Variants in ZNF655 observed in about 807,000 individuals in gnomAD.
ZNF655 encodes Vav-interacting Kruppel-like protein 1.
A neutral mutation model predicts 6.6 loss-of-function variants in ZNF655; 3 were observed. The ratio of observed to expected loss-of-function variants is 0.46; its 90% CI spans 0.21 to 1.18. ZNF655 has a LOEUF of 1.18. Among genes scored for constraint, ZNF655 ranks in the 50% most tolerant of loss-of-function variants. The pLI, the probability that ZNF655 is intolerant of heterozygous loss-of-function variation, is 0.24. For synonymous variants in ZNF655, 178 were observed against 195.0 expected, an observed-to-expected ratio of 0.91 and a Z score of 0.73; for missense variants, 526 against 572.3, an observed-to-expected ratio of 0.92 and a Z score of 0.83.
intron 2 of ZNF655, 196 bp downstream of exon 2, chr7:99,560,891 C>T (rs946408775): frequency 9.8e-6 from 5 of 507,630 alleles, no homozygotes; most frequent in Non-Finnish European, 1.6e-5. Flanking sequence ...GCTCATCTTT[C>T]TCAAATAAGC....
Position 99,573,620 on chromosome 7 carries a change from G to C in ZNF655, c.*36G>C. 4 of 1,571,586 alleles carry C rather than the reference G, an allele frequency of 2.5e-6. No individual in the cohort carries two copies. The highest frequency in any genetic ancestry group is 1.2e-5 in the South Asian group (1 of 85,626). ...GATGGGAAGATATTTATCAAATTCA[G>C]GCTTCATTCAGCATCTGAGAGTTCA... On this transcript the variant is annotated 3_prime_UTR_variant, in exon 3 of 3. Coordinates refer to ENST00000252713, the MANE Select transcript of ZNF655 (RefSeq NM_138494.3).
intron 2 of ZNF655, among the ~76,000 whole-genome samples, chr7:99,565,901 C>T (rs1407842240): frequency 6.6e-6 from 1 of 152,050 alleles, no homozygotes; most frequent in East Asian, 1.9e-4. Flanking sequence ...GAATGTTTTC[C>T]ATTGTCACAG....
Position 99,572,973 on chromosome 7 carries a change from GGCATAATTCA to G in ZNF655, c.872_881del (p.Ile291ArgfsTer98). The G allele has an allele frequency of 6.2e-7, 1 of 1,614,120 alleles. No individual in the cohort carries two copies. The highest frequency in any genetic ancestry group is 1.1e-5 in the South Asian group (1 of 91,082). Reference sequence around the variant, plus strand: ...TGATAAATCCTGTAGTCCAAGCTCAGGCATAATTCAGCATAAGAAAATTCACACCAGAGCC... The same window carrying G: ...TGATAAATCCTGTAGTCCAAGCTCAGGCATAAGAAAATTCACACCAGAGCC... On this transcript the variant is annotated frameshift_variant, in exon 3 of 3. Coordinates refer to ENST00000252713, the MANE Select transcript of ZNF655 (RefSeq NM_138494.3). LOFTEE classifies it low-confidence loss of function (END_TRUNC).
chr7:99,565,028 AT>A (rs1418696602), intron 2 of ZNF655, among the ~76,000 whole-genome samples: 1 of 152,188 alleles, frequency 6.6e-6, no homozygotes, highest in African/African-American at 2.4e-5. Flanking sequence ...GTGTTCCATT[AT>A]TGGAACACTA....
At chr7:99,560,088 CTTT>C (rs201559591) in intron 1 of ZNF655, among the ~76,000 whole-genome samples, 3 of 136,862 alleles carry the variant, frequency 2.2e-5, no homozygotes, top group Non-Finnish European at 4.8e-5. Flanking sequence ...TCTTTTTTTT[CTTT>C]TTTTTTTTTT....
At position 99,566,303 on chromosome 7, in the gene ZNF655, G is replaced by A. The variant is rs146345574; in HGVS notation, c.136+5608G>A. Among the ~76,000 whole-genome samples the A allele has an allele frequency of 5.0e-4, 76 of 152,236 alleles. 2 individuals carry two copies. Among genetic ancestry groups the A allele is most frequent in the Non-Finnish European group, 2.6e-4 (18 of 68,026 alleles). On this transcript the variant is annotated intron_variant, in intron 2 of 2. Coordinates refer to ENST00000252713, the MANE Select transcript of ZNF655 (RefSeq NM_138494.3). Reference sequence around the variant, plus strand: ...ATTTTTAGTGAGTTGTGTGTACTCTGATGACAAGAAAAATTCAAAATGCCA... The same window carrying A: ...ATTTTTAGTGAGTTGTGTGTACTCTAATGACAAGAAAAATTCAAAATGCCA...
At position 99,572,069 on chromosome 7, in the gene ZNF655, T is replaced by G. The variant is rs577623254; in HGVS notation, c.137-176T>G. Reference sequence around the variant, plus strand: ...GAACATGTCCGCTGTTTTACCTCACTGCTCCTGTTTATGCCCTTAACTTCT... The same window carrying G: ...GAACATGTCCGCTGTTTTACCTCACGGCTCCTGTTTATGCCCTTAACTTCT... On this transcript the variant is annotated intron_variant, in intron 2 of 2. Coordinates refer to ENST00000252713, the MANE Select transcript of ZNF655 (RefSeq NM_138494.3). Among the ~76,000 whole-genome samples the G allele has an allele frequency of 2.0e-5, 3 of 152,350 alleles. No individual in the cohort carries two copies. In the South Asian group the frequency reaches 6.2e-4, roughly 32 times the overall value.
At position 99,560,503 on chromosome 7, in the gene ZNF655, A is replaced by G. The variant is rs543132265; in HGVS notation, c.-27-30A>G. ...AAATGATGAAATGCTTTAACTTATTACAGTAATTTCTCTTAATCTTACCTT... is the reference window on the plus strand; with the variant it reads ...AAATGATGAAATGCTTTAACTTATTGCAGTAATTTCTCTTAATCTTACCTT... On this transcript the variant is annotated intron_variant, in intron 1 of 2. Coordinates refer to ENST00000252713, the MANE Select transcript of ZNF655 (RefSeq NM_138494.3). 1.9e-6 allele frequency: 3 copies of G among 1,580,872 alleles called. No individual in the cohort carries two copies. The Admixed American group carries it at 5.2e-5, about 28-fold the overall frequency.
At chr7:99,566,826 A>T (rs1225162230) in intron 2 of ZNF655, among the ~76,000 whole-genome samples, 1 of 152,216 alleles carries the variant, frequency 6.6e-6, no homozygotes, top group Non-Finnish European at 1.5e-5. Context: ...GAGTCCTGGG[A>T]TTACACATGT....
intron 2 of ZNF655, among the ~76,000 whole-genome samples, chr7:99,566,246 C>T (rs1355907458): frequency 6.6e-6 from 1 of 152,018 alleles, no homozygotes; most frequent in African/African-American, 2.4e-5. Flanking sequence ...GCCCTTAGGA[C>T]AATAAGTTCA....
At chr7:99,561,414 C>T (rs548105696) in intron 2 of ZNF655, among the ~76,000 whole-genome samples, 10 of 152,096 alleles carry the variant, frequency 6.6e-5, no homozygotes, top group African/African-American at 1.4e-4. Flanking sequence ...GAAAAGATTT[C>T]GAGGAAACAG....
chr7:99,558,882 C>CG lies in ZNF655; in HGVS notation c.-28+97dup, dbSNP rs1362181826. ...GGAGGCGGCGTCCGGCCGCGGCCGACGGTAGTTCGCTTCCCCGAGAGTGCG... is the reference window on the plus strand; with the variant it reads ...GGAGGCGGCGTCCGGCCGCGGCCGACGGGTAGTTCGCTTCCCCGAGAGTGCG... On this transcript the variant is annotated intron_variant, in intron 1 of 2. Coordinates refer to ENST00000252713, the MANE Select transcript of ZNF655 (RefSeq NM_138494.3). 3 of 152,484 alleles carry CG rather than the reference C, an allele frequency of 2.0e-5. No homozygotes were observed. In the East Asian group the frequency reaches 5.8e-4, roughly 29 times the overall value. 9.4% of individuals were successfully genotyped at this position (152,484 alleles called of 1,614,324 possible).
At chr7:99,570,005 G>A (rs1023356094) in intron 2 of ZNF655, among the ~76,000 whole-genome samples, 1 of 152,010 alleles carries the variant, frequency 6.6e-6, no homozygotes, top group South Asian at 2.1e-4. Context: ...TTATCACTCT[G>A]TATGCCTTTG....
rs777845761 is a variant in ZNF655, at chr7:99,573,333, G to A, written c.1225G>A (p.Glu409Lys). 3.1e-6 allele frequency: 5 copies of A among 1,614,062 alleles called. No homozygotes were observed. The highest frequency in any genetic ancestry group is 4.2e-6 in the Non-Finnish European group (5 of 1,180,022). Residue 409 changes from glutamate (E) to lysine (K), a missense_variant, in exon 3 of 3, where the codon GAA (glutamate) becomes AAA (lysine). Glu to Lys is a moderately conservative substitution (Grantham distance 56). Transcript: ENST00000252713. Reference protein sequence around the residue: ...QRIHTGEKAHECNECGKAFSQ... With the variant: ...QRIHTGEKAHKCNECGKAFSQ... ...AATTCACACAGGAGAGAAAGCACAT[G>A]AATGTAATGAATGTGGAAAAGCTTT...
At chr7:99,562,227 G>A in intron 2 of ZNF655, 1 of 1,078,956 alleles carries the variant, frequency 9.3e-7, no homozygotes, top group Non-Finnish European at 1.3e-6. Context: ...AGGGTTATGG[G>A]CTTTATTCCG....
intron 2 of ZNF655, chr7:99,561,900 C>T: frequency 6.3e-7 from 1 of 1,574,866 alleles, no homozygotes; most frequent in Non-Finnish European, 8.6e-7. Flanking sequence ...CCACCTGTTC[C>T]TCAGGTGCCT....
Position 99,573,315 on chromosome 7 carries a change from A to T in ZNF655, c.1207A>T (p.Thr403Ser). 1 of 1,614,210 alleles carries T rather than the reference A, an allele frequency of 6.2e-7. No homozygotes were observed. Among genetic ancestry groups the T allele is most frequent in the South Asian group, 1.1e-5 (1 of 91,082 alleles). Residue 403 changes from threonine (T) to serine (S), a missense_variant, in exon 3 of 3, where the codon ACA becomes TCA. Coordinates refer to ENST00000252713, the MANE Select transcript of ZNF655 (RefSeq NM_138494.3). ...TCTTATTCAGCATCAAAGAATTCAC[A>T]CAGGAGAGAAAGCACATGAATGTAA... ...SHLIQHQRIH[T>S]GEKAHECNEC...
In ZNF655 at chr7:99,572,927, T is replaced by A. The variant is rs1298829210; in HGVS notation, c.819T>A (p.Ser273=). The part of the protein sequence containing the change: ...TREKPYKCEA[S]DKSCEASDKS... Reference sequence around the variant, plus strand: ...AAAAACCTTACAAATGTGAAGCATCTGATAAATCCTGTGAAGCGTCTGATA... The same window carrying A: ...AAAAACCTTACAAATGTGAAGCATCAGATAAATCCTGTGAAGCGTCTGATA... Residue 273 remains serine, a synonymous_variant, in exon 3 of 3, where the codon TCT becomes TCA. Coordinates refer to ENST00000252713, the MANE Select transcript of ZNF655 (RefSeq NM_138494.3). The A allele has an allele frequency of 3.7e-6, 6 of 1,614,124 alleles. No homozygotes were observed. Among genetic ancestry groups the A allele is most frequent in the Non-Finnish European group, 5.1e-6 (6 of 1,179,994 alleles).
At chr7:99,567,325 G>A (rs1221557875) in intron 2 of ZNF655, among the ~76,000 whole-genome samples, 2 of 152,038 alleles carry the variant, frequency 1.3e-5, no homozygotes, top group Non-Finnish European at 2.9e-5. Context: ...CCTGAGGTTG[G>A]GAGTTCGAGA....
Sources: gnomAD v4.1 joint callset for allele counts (sites outside exome capture counted in the v4.1 genomes callset) on GRCh38, gnomAD v4.1.1 for gene constraint, MANE v1.5 for transcripts, NCBI Gene and HGNC (gene_info 2026-07-23, HGNC 2026-07-21) for gene names.